The following CAT variants were observed in gnomAD, a reference collection of about 807,000 sequenced individuals.
CAT encodes the protein catalase, also known as epididymis secretory sperm binding protein.
In CAT, 43 loss-of-function variants were observed where a neutral mutation model predicts 59.0. The ratio of observed to expected loss-of-function variants is 0.73; its 90% confidence interval spans 0.57 to 0.94. The LOEUF (loss-of-function observed/expected upper bound fraction) is 0.94, where lower values mean the gene tolerates loss of function less well. Ranked by LOEUF, CAT falls within the 40% of genes least tolerant of loss-of-function variation. CAT has a pLI of 0.00. For synonymous variants in CAT, 218 were observed against 230.9 expected, an observed-to-expected ratio of 0.94 and a Z score of 0.51; for missense variants, 664 against 682.9, an observed-to-expected ratio of 0.97 and a Z score of 0.31.
chr11:34,452,477 G>A (rs1435497057), intron 4 of CAT, among the ~76,000 whole-genome samples: 1 of 152,060 alleles, frequency 6.6e-6, no homozygotes, highest in Non-Finnish European at 1.5e-5. Context: ...GTAAAAAGAG[G>A]GACTTTACTT....
At chr11:34,470,292 C>A (rs2133861257) in intron 11 of CAT, among the ~76,000 whole-genome samples, 2 of 152,236 alleles carry the variant, frequency 1.3e-5, no homozygotes, top group African/African-American at 4.8e-5. Context: ...GGAAGAGGGG[C>A]ATGGGGGAAG....
intron 1 of CAT, among the ~76,000 whole-genome samples, chr11:34,447,870 CTACA>C (rs1268547878): frequency 6.6e-6 from 1 of 152,206 alleles, no homozygotes; most frequent in Non-Finnish European, 1.5e-5. Context: ...TTACCAGCAG[CTACA>C]TAGCTGGTAA....
chr11:34,465,260 A>T (rs1020495388), intron 10 of CAT, among the ~76,000 whole-genome samples: 7 of 152,256 alleles, frequency 4.6e-5, no homozygotes, highest in African/African-American at 1.4e-4. Context: ...GGTTCCAAGT[A>T]AAAAATACTT....
intron 10 of CAT, 91 bp from the exon 11 acceptor site, chr11:34,468,197 A>G (rs941219063): frequency 3.8e-5 from 35 of 912,476 alleles, no homozygotes; most frequent in Middle Eastern, 2.1e-4. Flanking sequence ...AGTTTTTTTT[A>G]TCATTGATTT....
chr11:34,446,211 G>C (rs1380321964), intron 1 of CAT, among the ~76,000 whole-genome samples: 1 of 152,098 alleles, frequency 6.6e-6, no homozygotes, highest in African/African-American at 2.4e-5. Context: ...TTCTGTTGCT[G>C]ACTGTTGAAG....
intron 9 of CAT, among the ~76,000 whole-genome samples, chr11:34,462,900 A>C (rs954998739): frequency 6.6e-6 from 1 of 152,210 alleles, no homozygotes; most frequent in Non-Finnish European, 1.5e-5. Flanking sequence ...TGAAGAAAAC[A>C]CTGTGATGGC....
chr11:34,458,931 G>A (rs1000978695), intron 8 of CAT, among the ~76,000 whole-genome samples: 1 of 152,158 alleles, frequency 6.6e-6, no homozygotes, highest in Non-Finnish European at 1.5e-5. Flanking sequence ...CAAGTAGAAA[G>A]TAATATAATT....
chr11:34,456,943 G>T, intron 8 of CAT, 126 bp downstream of exon 8: 3 of 1,017,732 alleles, frequency 2.9e-6, no homozygotes, highest in Non-Finnish European at 4.4e-6. Context: ...TTTAATCTGG[G>T]TGCTTGGTTA....
chr11:34,446,858 C>T (rs1205982147), intron 1 of CAT, among the ~76,000 whole-genome samples: 5 of 152,066 alleles, frequency 3.3e-5, no homozygotes, highest in African/African-American at 4.8e-5. Context: ...TCTCCTGCCT[C>T]AGCCTCCCGA....
chr11:34,444,202 C>T (rs892505848), intron 1 of CAT, among the ~76,000 whole-genome samples: 2 of 152,030 alleles, frequency 1.3e-5, no homozygotes, highest in African/African-American at 4.8e-5. Context: ...CCCCTCAGAC[C>T]CAGGGCTTAA....
chr11:34,470,586 A>G (rs1196059018), intron 11 of CAT: 1 of 289,162 alleles, frequency 3.5e-6, no homozygotes, highest in Admixed American at 4.3e-5. Flanking sequence ...GCCCCCATGA[A>G]TCATCTTAGT....
chr11:34,467,423 C>A (rs1220535146), intron 10 of CAT, among the ~76,000 whole-genome samples: 5 of 152,036 alleles, frequency 3.3e-5, no homozygotes, highest in African/African-American at 1.2e-4. Flanking sequence ...AAACTTTACT[C>A]AAAAATTTAA....
intron 1 of CAT, among the ~76,000 whole-genome samples, chr11:34,440,237 G>T (rs555764685): frequency 6.6e-6 from 1 of 152,326 alleles, no homozygotes; most frequent in South Asian, 2.1e-4. Flanking sequence ...ATGGTTCCCT[G>T]TTTGGGAAAA....
At chr11:34,470,764 G>T in intron 11 of CAT, 194 bp from the exon 12 acceptor site, 1 of 658,064 alleles carries the variant, frequency 1.5e-6, no homozygotes, top group Non-Finnish European at 2.8e-6. Context: ...AGGTTGCTCA[G>T]CCAGTATATG....
In CAT at chr11:34,469,246, C is replaced by T. The variant is rs1356838173; in HGVS notation, c.1434+851C>T. ...GCTAGCAGCTGTCTGGGCTGTGTCC[C>T]AGAGCCTGGGTTCCAGTATCAGCAG... On this transcript the variant is annotated intron_variant, in intron 11 of 12. Coordinates refer to ENST00000241052, the MANE Select transcript of CAT (RefSeq NM_001752.4). Among the ~76,000 whole-genome samples, 6 of 152,294 alleles carry T rather than the reference C, an allele frequency of 3.9e-5. No individual in the cohort carries two copies. The East Asian group carries it at 1.2e-3, about 29-fold the overall frequency.
intron 8 of CAT, among the ~76,000 whole-genome samples, chr11:34,457,806 G>A (rs549115960): frequency 6.6e-6 from 1 of 152,324 alleles, no homozygotes; most frequent in Admixed American, 6.5e-5. Context: ...GTTAAAGATT[G>A]TACCCTAAAT....
At chr11:34,450,030 G>A (rs921720902) in intron 2 of CAT, among the ~76,000 whole-genome samples, 2 of 152,184 alleles carry the variant, frequency 1.3e-5, no homozygotes, top group African/African-American at 2.4e-5. Context: ...TGGGATGTGG[G>A]GGGAAGCTGG....
intron 3 of CAT, among the ~76,000 whole-genome samples, chr11:34,451,642 C>T (rs1250188782): frequency 6.6e-6 from 1 of 152,186 alleles, no homozygotes; most frequent in Non-Finnish European, 1.5e-5. Flanking sequence ...TTTAAAAATA[C>T]TGTGGAATGT....
rs1044678175 is a variant in CAT at position 34,438,973 on chromosome 11, C to T, written c.-41C>T. ...CCTGCTGAGGGTGGAGACCCACGAGCCGAGGCCTCCTGCAGTGTTCTGCAC... is the reference window on the plus strand; with the variant it reads ...CCTGCTGAGGGTGGAGACCCACGAGTCGAGGCCTCCTGCAGTGTTCTGCAC... On this transcript the variant is annotated 5_prime_UTR_variant, in exon 1 of 13. Coordinates refer to ENST00000241052, the MANE Select transcript of CAT (RefSeq NM_001752.4). The T allele has an allele frequency of 3.2e-6, 5 of 1,542,958 alleles. No homozygotes were observed. The African/African-American group carries it at 4.1e-5, about 13-fold the overall frequency.
Sources: allele counts gnomAD v4.1 joint callset (sites outside exome capture counted in the v4.1 genomes callset), GRCh38; gene constraint gnomAD v4.1.1; transcripts MANE v1.5; gene names NCBI Gene and HGNC (gene_info 2026-07-23, HGNC 2026-07-21).